Variants in SH3RF2 observed in about 807,000 individuals in gnomAD.
The protein encoded by SH3RF2 is SH3 domain containing ring finger 2, also known as E3 ubiquitin-protein ligase SH3RF2.
Under a neutral mutation model 59.0 loss-of-function variants are expected in SH3RF2, and 43 were observed. That is an observed-to-expected ratio of 0.73 (90% CI 0.57 to 0.94). SH3RF2 has a LOEUF of 0.94. Ranked by LOEUF, SH3RF2 falls within the 40% of genes least tolerant of loss-of-function variation. The pLI is 0.00. For synonymous variants in SH3RF2, 391 were observed against 391.5 expected, an observed-to-expected ratio of 1.00 and a Z score of 0.01; for missense variants, 930 against 940.1, an observed-to-expected ratio of 0.99 and a Z score of 0.14.
Position 145,938,225 on chromosome 5 carries a change from C to T in SH3RF2, c.297C>T (p.Gly99=), listed in dbSNP as rs146884684. The T allele has an allele frequency of 3.0e-5, 49 of 1,611,690 alleles. No individual in the cohort carries two copies. Among genetic ancestry groups the T allele is most frequent in the Non-Finnish European group, 4.1e-5 (48 of 1,179,772 alleles). ...CTGGCACGATGACCTTGCAGGATGG[C>T]AGGAAAAGCAGGACCAACCCCAGAC... The part of the protein sequence containing the change: ...RRPGTMTLQD[G]RKSRTNPRRL... The change falls in exon 2 of 10, where the codon GGC becomes GGT. Residue 99 remains glycine, a synonymous_variant. Transcript: ENST00000359120.
At chr5:145,969,360 A>G (rs1758982211) in intron 2 of SH3RF2, among the ~76,000 whole-genome samples, 1 of 152,224 alleles carries the variant, frequency 6.6e-6, no homozygotes, top group Non-Finnish European at 1.5e-5. Context: ...AGAATTAAAA[A>G]GAAGGGGAGT....
At chr5:145,998,807 A>G (rs1056652372) in intron 2 of SH3RF2, among the ~76,000 whole-genome samples, 7 of 152,120 alleles carry the variant, frequency 4.6e-5, no homozygotes, top group African/African-American at 1.7e-4. Context: ...GCTAGTCGGG[A>G]GGCTGAGGCA....
intron 2 of SH3RF2, among the ~76,000 whole-genome samples, chr5:145,970,941 T>C (rs1431909514): frequency 6.6e-6 from 1 of 152,022 alleles, no homozygotes; most frequent in Non-Finnish European, 1.5e-5. Flanking sequence ...TTGAAAAAAA[T>C]GGAGTAAAGC....
At position 146,075,837 on chromosome 5, in the gene SH3RF2, G is replaced by A. The variant is rs529268082; in HGVS notation, c.*34-2623G>A. On this transcript the variant is annotated intron_variant, in intron 9 of 9. Transcript: ENST00000511217. ...GAAAAAGCTATCTCCAGACATCAGG[G>A]GGTTTTGGTGATGTTTTTGTTTTTG... Among the ~76,000 whole-genome samples, 14 of 149,928 alleles carry A rather than the reference G, an allele frequency of 9.3e-5. No homozygotes were observed. In the South Asian group the frequency reaches 2.9e-3, roughly 32 times the overall value.
intron 2 of SH3RF2, among the ~76,000 whole-genome samples, chr5:145,968,971 T>A (rs1758964307): frequency 6.6e-6 from 1 of 152,160 alleles, no homozygotes; most frequent in African/African-American, 2.4e-5. Context: ...CATATAATTC[T>A]TTTTTACTTT....
rs149997612 is a variant in SH3RF2, at chr5:145,994,054, C to T, written c.379-6004C>T. Among the ~76,000 whole-genome samples, 603 of 152,286 alleles carry T rather than the reference C, an allele frequency of 4.0e-3. 2 individuals carry two copies. The highest frequency in any genetic ancestry group is 6.3e-3 in the Non-Finnish European group (426 of 68,022). ...GCTTAGAAATTTCTTCCACCAGATA[C>T]GCTAAATCAACTCTCTCAACTTCGA... On this transcript the variant is annotated intron_variant, in intron 2 of 9. Coordinates refer to ENST00000359120, the MANE Select transcript of SH3RF2 (RefSeq NM_152550.4).
At chr5:146,074,583 A>AAC (rs1554122779) in intron 9 of SH3RF2, among the ~76,000 whole-genome samples, 13 of 152,180 alleles carry the variant, frequency 8.5e-5, no homozygotes, top group African/African-American at 1.9e-4. Flanking sequence ...CATCTAAAAA[A>AAC]AAAACAAAAC....
intron 5 of SH3RF2, among the ~76,000 whole-genome samples, chr5:146,027,943 T>C (rs1761591344): frequency 6.6e-6 from 1 of 152,188 alleles, no homozygotes; most frequent in Admixed American, 6.5e-5. Flanking sequence ...ATAATTAACA[T>C]TGCTTACTTC....
chr5:146,020,248 A>G (rs527445876), intron 5 of SH3RF2, among the ~76,000 whole-genome samples: 5 of 152,308 alleles, frequency 3.3e-5, no homozygotes, highest in Admixed American at 1.3e-4. Context: ...ACTCTCCATG[A>G]TCTGGCTACA....
At chr5:145,962,935 T>C (rs1178465699) in intron 2 of SH3RF2, among the ~76,000 whole-genome samples, 1 of 144,688 alleles carries the variant, frequency 6.9e-6, no homozygotes, top group South Asian at 2.3e-4. Context: ...TCTCGCTCTG[T>C]CGCCCAGGCT....
At chr5:145,952,088 A>G (rs186674839) in intron 2 of SH3RF2, among the ~76,000 whole-genome samples, 26 of 152,276 alleles carry the variant, frequency 1.7e-4, no homozygotes, top group Admixed American at 9.2e-4. Context: ...CACTTAGCAC[A>G]TGTTAATTAT....
intron 9 of SH3RF2, among the ~76,000 whole-genome samples, chr5:146,060,632 G>A (rs1471352203): frequency 6.6e-6 from 1 of 152,208 alleles, no homozygotes; most frequent in Non-Finnish European, 1.5e-5. Context: ...GAGGTAGAAA[G>A]AGTAATGGCC....
intron 8 of SH3RF2, among the ~76,000 whole-genome samples, chr5:146,059,619 T>C (rs1319358973): frequency 1.3e-5 from 2 of 150,650 alleles, no homozygotes; most frequent in African/African-American, 2.5e-5. Context: ...ACAGCCCCCC[T>C]ACACACATAC....
At chr5:145,952,013 T>G (rs79245443) in intron 2 of SH3RF2, among the ~76,000 whole-genome samples, 3,549 of 152,258 alleles carry the variant, frequency 0.023, 123 homozygotes, top group African/African-American at 0.081. Context: ...TGGGAATAAT[T>G]TGTAACCTAC....
chr5:146,033,745 C>A (rs1761828106), intron 5 of SH3RF2, among the ~76,000 whole-genome samples: 1 of 152,146 alleles, frequency 6.6e-6, no homozygotes, highest in African/African-American at 2.4e-5. Flanking sequence ...GCTGAGATTA[C>A]AGGCGTGAGC....
intron 3 of SH3RF2, among the ~76,000 whole-genome samples, chr5:146,001,661 G>A (rs936221375): frequency 2.0e-4 from 31 of 152,304 alleles, no homozygotes; most frequent in African/African-American, 7.5e-4. Flanking sequence ...CCCTTTCTGG[G>A]AATTTGTAAA....
chr5:145,949,664 G>C (rs114103078), intron 2 of SH3RF2, among the ~76,000 whole-genome samples: 195 of 152,308 alleles, frequency 1.3e-3, no homozygotes, highest in African/African-American at 4.6e-3. Flanking sequence ...ATAAGGGAAG[G>C]AGGAACAGAG....
chr5:146,027,217 C>T (rs182923353), intron 5 of SH3RF2, among the ~76,000 whole-genome samples: 161 of 152,254 alleles, frequency 1.1e-3, no homozygotes, highest in Admixed American at 3.1e-3. Flanking sequence ...ACTGTAATTC[C>T]GTGTGAACCC....
intron 2 of SH3RF2, among the ~76,000 whole-genome samples, chr5:145,978,089 T>C (rs1759362447): frequency 6.6e-6 from 1 of 152,202 alleles, no homozygotes; most frequent in Non-Finnish European, 1.5e-5. Flanking sequence ...CTCTGGAACA[T>C]AGGGCCAGAA....
Sources: gnomAD v4.1 joint callset for allele counts (sites outside exome capture counted in the v4.1 genomes callset) on GRCh38, gnomAD v4.1.1 for gene constraint, MANE v1.5 for transcripts, NCBI Gene and HGNC (gene_info 2026-07-23, HGNC 2026-07-21) for gene names.